ABCC9: variants seen among roughly 807,000 people sequenced by gnomAD.
The protein encoded by ABCC9 is ATP-binding cassette sub-family C member 9.
Under a neutral mutation model 188.3 loss-of-function variants are expected in ABCC9, and 95 were observed. That is an observed-to-expected ratio of 0.50 (90% confidence interval 0.43 to 0.60). The LOEUF (loss-of-function observed/expected upper bound fraction) is 0.60. Ranked by LOEUF, ABCC9 falls within the 20% of genes least tolerant of loss-of-function variation. The pLI, the probability that ABCC9 is intolerant of heterozygous loss-of-function variation, is 0.00. For missense variants in ABCC9, 1,102 were observed against 1,876.3 expected (o/e 0.59, Z 7.62); for synonymous variants, 659 against 652.7 (o/e 1.01, Z -0.15).
chr12:21,874,573 G>C (rs1946247812), intron 17 of ABCC9, among the ~76,000 whole-genome samples: 1 of 152,116 alleles, frequency 6.6e-6, no homozygotes, highest in South Asian at 2.1e-4. Flanking sequence ...CTTCATTGTA[G>C]CATCATTCAC....
chr12:21,893,945 C>G, intron 14 of ABCC9, 87 bp downstream of exon 14: 1 of 1,390,728 alleles, frequency 7.2e-7, no homozygotes, highest in African/African-American at 1.4e-5. Flanking sequence ...TTTTAATGTT[C>G]TTTTTTATAT....
At chr12:21,855,986 G>A (rs977583183) in intron 22 of ABCC9, among the ~76,000 whole-genome samples, 6 of 152,112 alleles carry the variant, frequency 3.9e-5, no homozygotes, top group Middle Eastern at 3.2e-3. Flanking sequence ...GCCTCAGTAC[G>A]TTCATCTGTG....
intron 17 of ABCC9, among the ~76,000 whole-genome samples, chr12:21,873,766 A>G (rs1946196142): frequency 6.6e-6 from 1 of 152,118 alleles, no homozygotes; most frequent in Admixed American, 6.5e-5. Flanking sequence ...ACCCATACAT[A>G]TACAGTCAAC....
At chr12:21,890,418 A>G (rs528668273) in intron 14 of ABCC9, among the ~76,000 whole-genome samples, 1 of 152,220 alleles carries the variant, frequency 6.6e-6, no homozygotes, top group South Asian at 2.1e-4. Flanking sequence ...GAAGATACCA[A>G]GATTTCTCAC....
At chr12:21,818,119 C>G in intron 32 of ABCC9, 31 bp downstream of exon 32, 1 of 1,467,660 alleles carries the variant, frequency 6.8e-7, no homozygotes, top group Non-Finnish European at 9.5e-7. Flanking sequence ...GTTTGGTTAT[C>G]TGTTCCTGTA....
At chr12:21,911,683 C>G (rs1480864608) in intron 8 of ABCC9, among the ~76,000 whole-genome samples, 1 of 151,912 alleles carries the variant, frequency 6.6e-6, no homozygotes, top group Admixed American at 6.6e-5. Flanking sequence ...ATGATTTAGA[C>G]CTAGTAGAAT....
chr12:21,841,347 C>CTTTTTTTTTTTTTTTTTT lies in ABCC9; in HGVS notation c.3473+949_3473+966dup, dbSNP rs1174314931. Among the ~76,000 whole-genome samples the CTTTTTTTTTTTTTTTTTT allele has an allele frequency of 2.0e-4, 4 of 19,604 alleles. 2 individuals carry two copies. The highest frequency in any genetic ancestry group is 1.9e-4 in the Non-Finnish European group (2 of 10,660). 12.9% of individuals were successfully genotyped at this position (19,604 alleles called of 152,430 possible). ...TCTTTGGGATTATGTTTCTGGTTTCCTTTTTTTTTTTTTTTTTTTTTTTTT... is the reference window on the plus strand; with the variant it reads ...TCTTTGGGATTATGTTTCTGGTTTCCTTTTTTTTTTTTTTTTTTTTTTTTTTTTTTTTTTTTTTTTTTT... On this transcript the variant is annotated intron_variant, in intron 29 of 39. Coordinates refer to ENST00000261200, the MANE Select transcript of ABCC9 (RefSeq NM_020297.4).
rs75346758 is a variant in ABCC9, at chr12:21,835,329, C to T, written c.3566+2749G>A. 9.5e-3 allele frequency among the ~76,000 whole-genome samples: 1,443 copies of T among 152,330 alleles called. 8 individuals are homozygous for T. Among genetic ancestry groups the T allele is most frequent in the Non-Finnish European group, 0.014 (970 of 68,040 alleles). ...TTAAGATGAAGGACACATTACAGCT[C>T]TTAAGTAGCTCCCAATCTTGTAGAG... On this transcript the variant is annotated intron_variant, in intron 30 of 39. Transcript: ENST00000261200.
At chr12:21,806,860 A>G (rs949460285) in intron 38 of ABCC9, among the ~76,000 whole-genome samples, 1 of 152,208 alleles carries the variant, frequency 6.6e-6, no homozygotes, top group Admixed American at 6.6e-5. Flanking sequence ...TCAAAAGGCA[A>G]AATTTATGGC....
intron 3 of ABCC9, 34 bp from the exon 4 acceptor site, chr12:21,933,957 C>A (rs779543881): frequency 6.2e-7 from 1 of 1,612,560 alleles, no homozygotes. Context: ...AACAAAAAGA[C>A]ATAAACCGAA....
chr12:21,927,878 A>G lies in ABCC9; in HGVS notation c.285-1815T>C, dbSNP rs1448701504. On this transcript the variant is annotated intron_variant, in intron 4 of 39. Coordinates refer to ENST00000261200, the MANE Select transcript of ABCC9 (RefSeq NM_020297.4). The stretch of plus-strand genomic sequence containing the variant: ...GGAAAAAATAGATAACTATTTTGTC[A>G]GTACAGAAATTAGGAAATGCTTCTA... Among the ~76,000 whole-genome samples, 12 of 152,316 alleles carry G rather than the reference A, an allele frequency of 7.9e-5. No homozygotes were observed. In the South Asian group the frequency reaches 2.3e-3, roughly 29 times the overall value.
intron 36 of ABCC9, among the ~76,000 whole-genome samples, chr12:21,810,918 T>C (rs1263739309): frequency 6.6e-6 from 1 of 152,144 alleles, no homozygotes; most frequent in Admixed American, 6.6e-5. Context: ...AAACACTTCT[T>C]TGTAATTAAG....
At chr12:21,906,082 G>C (rs372231685) in intron 12 of ABCC9, 44 bp downstream of exon 12, 2 of 1,579,608 alleles carry the variant, frequency 1.3e-6, no homozygotes, top group Non-Finnish European at 1.7e-6. Context: ...TGGTTATTCT[G>C]GTTGCCCTTA....
intron 7 of ABCC9, among the ~76,000 whole-genome samples, chr12:21,914,950 G>A (rs1485165231): frequency 2.7e-5 from 4 of 150,424 alleles, no homozygotes; most frequent in Non-Finnish European, 5.9e-5. Context: ...GCCCAGGCTG[G>A]AGTGCAATGG....
chr12:21,828,832 A>G (rs1029303596), intron 31 of ABCC9, 126 bp downstream of exon 31: 8 of 796,716 alleles, frequency 1.0e-5, no homozygotes, highest in East Asian at 2.5e-5. Flanking sequence ...GAGCTATTTT[A>G]AAGTCCAGAA....
intron 10 of ABCC9, 26 bp downstream of exon 10, chr12:21,910,127 CAAAA>C: frequency 1.3e-6 from 2 of 1,592,394 alleles, no homozygotes; most frequent in Non-Finnish European, 1.7e-6. Flanking sequence ...CCTCTGCAGA[CAAAA>C]ATCTTACTTA....
intron 20 of ABCC9, among the ~76,000 whole-genome samples, chr12:21,861,618 G>A (rs1438336921): frequency 6.6e-6 from 1 of 152,134 alleles, no homozygotes; most frequent in African/African-American, 2.4e-5. Flanking sequence ...AGGTATTATA[G>A]TGGAAGTGAG....
At chr12:21,932,086 C>T (rs1273615837) in intron 4 of ABCC9, among the ~76,000 whole-genome samples, 1 of 151,970 alleles carries the variant, frequency 6.6e-6, no homozygotes, top group Admixed American at 6.6e-5. Context: ...ATTTAAAGGT[C>T]TTCTAATATT....
intron 24 of ABCC9, among the ~76,000 whole-genome samples, chr12:21,848,493 G>A (rs2137416428): frequency 6.6e-6 from 1 of 152,264 alleles, no homozygotes; most frequent in African/African-American, 2.4e-5. Context: ...AGAATGAGAT[G>A]CAACTGACTC....
Sources: allele counts gnomAD v4.1 joint callset (sites outside exome capture counted in the v4.1 genomes callset), GRCh38; gene constraint gnomAD v4.1.1; transcripts MANE v1.5; gene names NCBI Gene and HGNC (gene_info 2026-07-23, HGNC 2026-07-21).